The following TAX1BP1 variants were observed in gnomAD, a reference collection of about 807,000 sequenced individuals.
TAX1BP1 encodes the protein Tax1 binding protein 1, also known as tax1-binding protein 1.
A neutral mutation model predicts 97.7 loss-of-function variants in TAX1BP1; 62 were observed. The ratio of observed to expected loss-of-function variants is 0.63; its 90% CI spans 0.52 to 0.78. The LOEUF (loss-of-function observed/expected upper bound fraction) is 0.78. Ranked by LOEUF, TAX1BP1 falls within the 30% of genes least tolerant of loss-of-function variation. The probability of loss-of-function intolerance (pLI) is 0.00; values close to 1 mark genes in which losing one functional copy is unlikely to be tolerated. For synonymous variants in TAX1BP1, 340 were observed against 304.2 expected, an observed-to-expected ratio of 1.12 and a Z score of -1.23; for missense variants, 867 against 916.1, an observed-to-expected ratio of 0.95 and a Z score of 0.69.
intron 1 of TAX1BP1, among the ~76,000 whole-genome samples, chr7:27,740,563 G>C (rs1259155922): frequency 6.6e-6 from 1 of 152,182 alleles, no homozygotes; most frequent in African/African-American, 2.4e-5. Flanking sequence ...ATTTGGGGGA[G>C]GCGTGTGGGA....
At chr7:27,821,647 A>AG (rs1322258241) in intron 15 of TAX1BP1, among the ~76,000 whole-genome samples, 2 of 151,914 alleles carry the variant, frequency 1.3e-5, no homozygotes, top group Non-Finnish European at 2.9e-5. Flanking sequence ...AAAAAAAAAA[A>AG]AAAGTAGTTA....
chr7:27,793,709 A>G (rs1018175268), intron 10 of TAX1BP1, among the ~76,000 whole-genome samples: 2 of 152,178 alleles, frequency 1.3e-5, no homozygotes, highest in African/African-American at 4.8e-5. Context: ...AGGTAGGTAG[A>G]TTTGTAATAT....
Position 27,827,701 on chromosome 7 carries a change from A to G in TAX1BP1, c.2086-37A>G, listed in dbSNP as rs74438762. On this transcript the variant is annotated intron_variant, in intron 15 of 16. Transcript: ENST00000396319. ...AATTAAGGAATTTATATTTGGTTTT[A>G]CTTTTCTTAAAAGTTCCAAAATTAT... The G allele has an allele frequency of 4.9e-4, 761 of 1,552,750 alleles. 6 individuals are homozygous for G. In the African/African-American group the frequency reaches 9.2e-3, roughly 19 times the overall value.
chr7:27,786,009 T>A (rs1259553692), intron 7 of TAX1BP1, among the ~76,000 whole-genome samples: 1 of 152,188 alleles, frequency 6.6e-6, no homozygotes, highest in Non-Finnish European at 1.5e-5. Context: ...TATATACACA[T>A]TGGGGAGAAC....
chr7:27,748,865 C>T (rs1388287993), intron 2 of TAX1BP1, among the ~76,000 whole-genome samples, 179 bp downstream of exon 2: 2 of 152,134 alleles, frequency 1.3e-5, no homozygotes, highest in African/African-American at 4.8e-5. Context: ...TCCATTTCAC[C>T]AGATTTTCCT....
At chr7:27,746,467 C>T (rs1324154246) in intron 1 of TAX1BP1, among the ~76,000 whole-genome samples, 3 of 142,786 alleles carry the variant, frequency 2.1e-5, no homozygotes, top group South Asian at 2.3e-4. Context: ...TCATTAATGA[C>T]TTCATTAGTA....
Position 27,769,821 on chromosome 7 carries a change from A to C in TAX1BP1, c.599A>C (p.Gln200Pro), listed in dbSNP as rs749358430. The C allele has an allele frequency of 1.9e-6, 3 of 1,612,018 alleles. No individual in the cohort carries two copies. In the African/African-American group the frequency reaches 4.0e-5, roughly 22 times the overall value. Residue 200 changes from glutamine (Q) to proline (P), a missense_variant, in exon 5 of 17, where the codon CAA becomes CCA. Around this residue, in one of 3 missense-constraint regions of TAX1BP1, gnomAD observed 822 missense variants for 851.4 expected, o/e 0.97. Coordinates refer to ENST00000396319, the MANE Select transcript of TAX1BP1 (RefSeq NM_006024.7). ...NHEKERCDQLQAEQKGLTEVT... is the reference protein window; with the variant it reads ...NHEKERCDQLPAEQKGLTEVT... ...GAGAAAGAAAGATGTGACCAACTGC[A>C]AGCAGAACAAAAGGTTAGTTGTGTC...
intron 13 of TAX1BP1, among the ~76,000 whole-genome samples, chr7:27,816,016 G>A (rs535921729): frequency 1.1e-3 from 163 of 152,116 alleles, no homozygotes; most frequent in African/African-American, 3.7e-3. Context: ...CCTGGGTGAA[G>A]CTCTGTCTCA....
intron 2 of TAX1BP1, among the ~76,000 whole-genome samples, chr7:27,751,135 A>G (rs1788004395): frequency 6.6e-6 from 1 of 152,122 alleles, no homozygotes; most frequent in African/African-American, 2.4e-5. Flanking sequence ...GTAATGCTAA[A>G]CTATACTTCT....
Position 27,816,393 on chromosome 7 carries a change from A to G in TAX1BP1, c.1809A>G (p.Glu603=). The G allele has an allele frequency of 6.3e-7, 1 of 1,584,994 alleles. No individual in the cohort carries two copies. The highest frequency in any genetic ancestry group is 8.5e-7 in the Non-Finnish European group (1 of 1,172,112). The change falls in exon 14 of 17, where the codon GAA becomes GAG. Residue 603 remains glutamate (E), a synonymous_variant. Coordinates refer to ENST00000396319, the MANE Select transcript of TAX1BP1 (RefSeq NM_006024.7). The part of the protein sequence containing the change: ...SLENPAERKM[E]GQNSQSPQCF... ...AAAATCCAGCAGAAAGGAAAATGGA[A>G]GGTCAGAATTCCCAGAGTCCTCAAT...
Position 27,829,014 on chromosome 7 carries a change from A to C in TAX1BP1, c.*185A>C. 2.1e-6 allele frequency: 1 copy of C among 482,758 alleles called. No homozygotes were observed. The allele number at this position is 482,758 out of a possible 1,614,324, so 29.9% of individuals were successfully genotyped here. On this transcript the variant is annotated 3_prime_UTR_variant, in exon 17 of 17. Coordinates refer to ENST00000396319, the MANE Select transcript of TAX1BP1 (RefSeq NM_006024.7). ...AGGGTCAGTCTTTGGCTTATCAATAAATTTTAATCTCTGTTAATCTTACCT... is the reference window on the plus strand; with the variant it reads ...AGGGTCAGTCTTTGGCTTATCAATACATTTTAATCTCTGTTAATCTTACCT...
rs745928792 is a variant in TAX1BP1 at position 27,816,901 on chromosome 7, G to A, written c.1948G>A (p.Gly650Ser). Residue 650 changes from glycine to serine, a missense_variant, in exon 15 of 17, where the codon GGT becomes AGT. By Grantham distance (56) the Gly-to-Ser change is moderately conservative. Around this residue, in one of 3 missense-constraint regions of TAX1BP1, gnomAD observed 822 missense variants for 851.4 expected, o/e 0.97. Transcript: ENST00000396319. ...ASQETRDGAD[G>S]AFYPDEIQRP... ...AAATTTTATTACAGATGGAGCAGAT[G>A]GTGCTTTTTACCCAGATGAAATACA... 1 of 1,613,750 alleles carries A rather than the reference G, an allele frequency of 6.2e-7. No homozygotes were observed. Among genetic ancestry groups the A allele is most frequent in the Non-Finnish European group, 8.5e-7 (1 of 1,179,950 alleles).
intron 13 of TAX1BP1, among the ~76,000 whole-genome samples, chr7:27,812,828 A>G (rs1439548727): frequency 6.6e-6 from 1 of 152,096 alleles, no homozygotes; most frequent in East Asian, 1.9e-4. Context: ...ATTCTATTTT[A>G]TTGATTTTTA....
intron 13 of TAX1BP1, among the ~76,000 whole-genome samples, chr7:27,813,171 A>G (rs1226534526): frequency 4.4e-5 from 2 of 45,740 alleles, no homozygotes; most frequent in Non-Finnish European, 9.2e-5. Flanking sequence ...TTTTTTTCTT[A>G]AAGACAGCAT....
chr7:27,801,364 G>A (rs928887459), intron 13 of TAX1BP1, among the ~76,000 whole-genome samples: 3 of 151,814 alleles, frequency 2.0e-5, no homozygotes, highest in Non-Finnish European at 4.4e-5. Flanking sequence ...GGCTGGAGAT[G>A]TAGCACATTA....
Position 27,816,518 on chromosome 7 carries a change from G to T in TAX1BP1, c.1934G>T (p.Arg645Ile). Reference protein sequence around the residue: ...YGNPYASQETRDGADGAFYPD... With the variant: ...YGNPYASQETIDGADGAFYPD... ...AATCCTTATGCATCTCAGGAAACAA[G>T]AGGTTATTACAGTATTTTTGGTTTG... is the stretch of plus-strand genomic sequence containing the variant. The change falls in exon 14 of 17, where the codon AGA becomes ATA. Residue 645 changes from arginine (R) to isoleucine (I), a missense_variant and splice_region_variant. Arg to Ile is a moderately conservative substitution (Grantham distance 97, BLOSUM62 -3). This residue lies in a region of TAX1BP1 where 822 missense variants were observed against 851.4 expected (regional missense o/e 0.97). Coordinates refer to ENST00000396319, the MANE Select transcript of TAX1BP1 (RefSeq NM_006024.7). 1.3e-6 allele frequency: 2 copies of T among 1,531,540 alleles called. No homozygotes were observed. The highest frequency in any genetic ancestry group is 1.7e-6 in the Non-Finnish European group (2 of 1,151,818). 94.9% of individuals were successfully genotyped at this position (1,531,540 alleles called of 1,614,324 possible).
chr7:27,763,767 C>CAAAAAAAAAAAAAAAAAAAAAA (rs575118347), intron 3 of TAX1BP1, among the ~76,000 whole-genome samples: 4 of 118,778 alleles, frequency 3.4e-5, no homozygotes, highest in African/African-American at 9.5e-5. Flanking sequence ...GACTCTGTCT[C>CAAAAAAAAAAAAAAAAAAAAAA]AAAAAAAAAA....
At position 27,792,142 on chromosome 7, in the gene TAX1BP1, A is replaced by C. The variant is rs753148940; in HGVS notation, c.1175A>C (p.His392Pro). ...NVRDRTMADL[H>P]TARLENEKVK... is the part of the protein sequence containing the mutation. ...CGAGACAGAACGATGGCAGACCTGCATACTGCACGCTTGGAAAACGAGAAA... is the reference window on the plus strand; with the variant it reads ...CGAGACAGAACGATGGCAGACCTGCCTACTGCACGCTTGGAAAACGAGAAA... Residue 392 changes from histidine (H) to proline (P), a missense_variant, in exon 9 of 17, where the codon CAT becomes CCT. Transcript: ENST00000396319. 6.2e-7 allele frequency: 1 copy of C among 1,614,070 alleles called. No individual in the cohort carries two copies. Among genetic ancestry groups the C allele is most frequent in the East Asian group, 2.2e-5 (1 of 44,878 alleles).
Position 27,793,175 on chromosome 7 carries a change from G to T in TAX1BP1, c.1373G>T (p.Arg458Met). 6.3e-7 allele frequency: 1 copy of T among 1,591,340 alleles called. No homozygotes were observed. The highest frequency in any genetic ancestry group is 1.2e-5 in the South Asian group (1 of 86,082). Residue 458 changes from arginine to methionine, a missense_variant, in exon 10 of 17, where the codon AGG (arginine) becomes ATG (methionine). Arg to Met is a moderately conservative substitution (Grantham distance 91). This residue lies in a region of TAX1BP1 where 822 missense variants were observed against 851.4 expected (regional missense o/e 0.97). Transcript: ENST00000396319. ...AAAGAAAAATTTAAGGAATGCCAAA[G>T]GCTCCAAAAACAAATAAACAAACTT... ...HYKEKFKECQ[R>M]LQKQINKLSD...
Sources: allele counts gnomAD v4.1 joint callset (sites outside exome capture counted in the v4.1 genomes callset), GRCh38; gene constraint gnomAD v4.1.1; regional missense constraint gnomAD v4.1.1; transcripts MANE v1.5; gene names NCBI Gene and HGNC (gene_info 2026-07-23, HGNC 2026-07-21).